The following MINAR1 variants were observed in gnomAD, a reference collection of about 807,000 sequenced individuals.
MINAR1 encodes major intrinsically disordered Notch2-binding receptor 1.
Under a neutral mutation model 65.1 loss-of-function variants are expected in MINAR1, and 40 were observed. That is an observed-to-expected ratio of 0.61 (90% confidence interval 0.48 to 0.80). The LOEUF is 0.80. Among genes scored for constraint, MINAR1 ranks in the 30% least tolerant of loss-of-function variants. MINAR1 has a pLI of 0.00. For missense variants in MINAR1, 1,128 were observed against 1,148.0 expected, an observed-to-expected ratio of 0.98 and a Z score of 0.25; for synonymous variants, 482 against 449.1, an observed-to-expected ratio of 1.07 and a Z score of -0.93.
At position 79,468,546 on chromosome 15, in the gene MINAR1, T is replaced by C; in HGVS notation, c.*162T>C. 1.5e-6 allele frequency: 1 copy of C among 651,388 alleles called. No homozygotes were observed. Among genetic ancestry groups the C allele is most frequent in the Non-Finnish European group, 2.6e-6 (1 of 384,130 alleles). 40.4% of individuals were successfully genotyped at this position (651,388 alleles called of 1,614,324 possible). ...GGTGGTTTTCAGAAAGTATACATTCTAGTGAGAAATCTACCTACCTATTAG... is the reference window on the plus strand; with the variant it reads ...GGTGGTTTTCAGAAAGTATACATTCCAGTGAGAAATCTACCTACCTATTAG... On this transcript the variant is annotated 3_prime_UTR_variant, in exon 4 of 4. Transcript: ENST00000305428.
At chr15:79,453,370 C>T (rs552396147) in intron 1 of MINAR1, among the ~76,000 whole-genome samples, 1 of 152,224 alleles carries the variant, frequency 6.6e-6, no homozygotes, top group South Asian at 2.1e-4. Context: ...CATACAGGAC[C>T]CCCAGCAACT....
chr15:79,416,228 C>T, the MINAR1 span: 2 of 152,336 alleles, frequency 1.3e-5, no homozygotes, highest in African/African-American at 4.8e-5. Context: ...CCACTATGGA[C>T]AGCTTTCAGA....
rs1039583501 is a variant in MINAR1 at position 79,463,835 on chromosome 15, G to T, written c.2553+514G>T. 23 of 444,750 alleles carry T rather than the reference G, an allele frequency of 5.2e-5. No individual in the cohort carries two copies. In the Admixed American group the frequency reaches 5.5e-4, roughly 11 times the overall value. The allele number at this position is 444,750 out of a possible 1,614,324, so 27.6% of individuals were successfully genotyped here. A position where few individuals can be genotyped will look rare whatever the true frequency, so the allele number is the denominator to read the frequency against. On this transcript the variant is annotated intron_variant, in intron 3 of 3. Coordinates refer to ENST00000305428, the MANE Select transcript of MINAR1 (RefSeq NM_015206.3). ...ATGTTTTTTGTTCACCCACAAGCAG[G>T]GCTGGGTTTTGGCCACACTTTTATT...
intron 1 of MINAR1, among the ~76,000 whole-genome samples, chr15:79,434,665 A>G (rs867544651): frequency 6.6e-6 from 1 of 152,224 alleles, no homozygotes; most frequent in Non-Finnish European, 1.5e-5. Flanking sequence ...CAGTGAATCT[A>G]TTGCTGAATC....
At chr15:79,451,210 C>T (rs1266976435) in intron 1 of MINAR1, among the ~76,000 whole-genome samples, 1 of 152,184 alleles carries the variant, frequency 6.6e-6, no homozygotes, top group Non-Finnish European at 1.5e-5. Flanking sequence ...CTCCTAAAGA[C>T]CTGGACCCCT....
intron 1 of MINAR1, among the ~76,000 whole-genome samples, chr15:79,454,791 C>A (rs1895354221): frequency 6.6e-6 from 1 of 152,160 alleles, no homozygotes; most frequent in Non-Finnish European, 1.5e-5. Flanking sequence ...CATGAGGAAA[C>A]TTTCTGGGGC....
the MINAR1 span, chr15:79,420,794 T>G: frequency 3.3e-5 from 5 of 152,278 alleles, no homozygotes; most frequent in African/African-American, 4.8e-5. Context: ...TTGGGTCATT[T>G]TGGGGTGGAA....
chr15:79,437,834 G>T (rs1462255716), intron 1 of MINAR1, among the ~76,000 whole-genome samples: 1 of 53,240 alleles, frequency 1.9e-5, no homozygotes, highest in Non-Finnish European at 4.2e-5. Flanking sequence ...GTGTGTGTAG[G>T]GAGTGTGTGG....
In MINAR1 at chr15:79,450,445, G is replaced by A. The variant is rs144182006; in HGVS notation, c.-50-5653G>A. 2.3e-3 allele frequency among the ~76,000 whole-genome samples: 347 copies of A among 151,920 alleles called. 1 individual carries two copies. Among genetic ancestry groups the A allele is most frequent in the African/African-American group, 7.8e-3 (322 of 41,410 alleles). On this transcript the variant is annotated intron_variant, in intron 1 of 3. Coordinates refer to ENST00000305428, the MANE Select transcript of MINAR1 (RefSeq NM_015206.3). ...GCTGTAGTTTGGATTGGCGGGCGAC[G>A]AGAGCACCCCCATTAATTCTGAGTG... is the stretch of plus-strand genomic sequence containing the variant.
Position 79,471,802 on chromosome 15 carries a change from A to G in MINAR1, c.*3418A>G, listed in dbSNP as rs1896095490. ...GTGGTATAAAAATTTGTGAATGTTG[A>G]AATTCAACATGCTTCATATTATAAC... On this transcript the variant is annotated 3_prime_UTR_variant, in exon 4 of 4. Coordinates refer to ENST00000305428, the MANE Select transcript of MINAR1 (RefSeq NM_015206.3). 2 of 152,536 alleles carry G rather than the reference A, an allele frequency of 1.3e-5. No individual in the cohort carries two copies. The highest frequency in any genetic ancestry group is 1.3e-4 in the Admixed American group (2 of 15,274). 9.4% of individuals were successfully genotyped at this position (152,536 alleles called of 1,614,324 possible). A position where few individuals can be genotyped will look rare whatever the true frequency, so the allele number is the denominator to read the frequency against.
At chr15:79,428,751 T>A (rs1367762977), upstream of MINAR1, among the ~76,000 whole-genome samples, 3 of 152,196 alleles carry the variant, frequency 2.0e-5, no homozygotes, top group South Asian at 6.2e-4. Flanking sequence ...AAAATCTTTA[T>A]ATAATGATGC....
intron 1 of MINAR1, among the ~76,000 whole-genome samples, chr15:79,440,772 T>C (rs942112264): frequency 6.6e-6 from 1 of 152,218 alleles, no homozygotes; most frequent in Non-Finnish European, 1.5e-5. Context: ...TTGTTTACAG[T>C]TGTAATACCT....
chr15:79,425,034 TTGTG>T, the MINAR1 span: 8 of 134,198 alleles, frequency 6.0e-5, no homozygotes, highest in East Asian at 4.3e-4. Context: ...TTTTGTTTGT[TTGTG>T]TTTTTTTTTT....
intron 3 of MINAR1, among the ~76,000 whole-genome samples, chr15:79,464,186 T>C (rs1324568887): frequency 2.6e-5 from 4 of 152,222 alleles, no homozygotes; most frequent in Admixed American, 6.5e-5. Context: ...CAGGACTCTT[T>C]CGCTGTGTGA....
intron 1 of MINAR1, among the ~76,000 whole-genome samples, chr15:79,440,072 C>G (rs1894828280): frequency 6.6e-6 from 1 of 151,986 alleles, no homozygotes; most frequent in African/African-American, 2.4e-5. Context: ...ATCATTAGCC[C>G]CAAGGTGTGT....
At position 79,456,723 on chromosome 15, in the gene MINAR1, G is replaced by A. The variant is rs1377299543; in HGVS notation, c.576G>A (p.Leu192=). The part of the protein sequence containing the change: ...SKEVKNRAAS[L]DRLQALAPYS... The stretch of plus-strand genomic sequence containing the variant: ...AGGTGAAAAACCGCGCCGCTTCCCT[G>A]GACAGGTTGCAGGCCCTGGCTCCGT... Residue 192 remains leucine, a synonymous_variant, in exon 2 of 4, where the codon CTG becomes CTA. Coordinates refer to ENST00000305428, the MANE Select transcript of MINAR1 (RefSeq NM_015206.3). The A allele has an allele frequency of 1.1e-5, 18 of 1,614,040 alleles. No homozygotes were observed. The highest frequency in any genetic ancestry group is 2.2e-5 in the South Asian group (2 of 91,082).
Position 79,460,445 on chromosome 15 carries a change from A to T in MINAR1, c.2298+2000A>T, listed in dbSNP as rs141022348. Among the ~76,000 whole-genome samples the T allele has an allele frequency of 1.6e-3, 249 of 152,286 alleles. 2 individuals carry two copies. The highest frequency in any genetic ancestry group is 5.8e-3 in the African/African-American group (240 of 41,564). On this transcript the variant is annotated intron_variant, in intron 2 of 3. Coordinates refer to ENST00000305428, the MANE Select transcript of MINAR1 (RefSeq NM_015206.3). The stretch of plus-strand genomic sequence containing the variant: ...AGCATTCTAGCAATCCTCCAAACTG[A>T]AGAAGCCCCTCTGGTCCCTCCTCTT...
intron 3 of MINAR1, among the ~76,000 whole-genome samples, chr15:79,465,418 TC>T (rs1895804127): frequency 6.8e-6 from 1 of 146,456 alleles, no homozygotes; most frequent in South Asian, 2.1e-4. Flanking sequence ...CGTTCTTCTT[TC>T]CAGTGTTTGC....
chr15:79,429,467 C>T (rs1202524693), upstream of MINAR1, among the ~76,000 whole-genome samples: 1 of 152,190 alleles, frequency 6.6e-6, no homozygotes, highest in East Asian at 1.9e-4. Flanking sequence ...GTTTTCACAC[C>T]ATTGCCAATG....
Sources: gnomAD v4.1 joint callset for allele counts (sites outside exome capture counted in the v4.1 genomes callset) on GRCh38, gnomAD v4.1.1 for gene constraint, MANE v1.5 for transcripts, NCBI Gene and HGNC (gene_info 2026-07-23, HGNC 2026-07-21) for gene names.